SUPT20H: variants seen among roughly 807,000 people sequenced by gnomAD.
SUPT20H encodes the protein SPT20 homolog, SAGA complex component.
A neutral mutation model predicts 122.8 loss-of-function variants in SUPT20H; 82 were observed. That is an observed-to-expected ratio of 0.67 (90% CI 0.56 to 0.80). The LOEUF (loss-of-function observed/expected upper bound fraction) is 0.80, where lower values mean the gene tolerates loss of function less well. Ranked by LOEUF, SUPT20H falls within the 30% of genes least tolerant of loss-of-function variation. The pLI, the probability that SUPT20H is intolerant of heterozygous loss-of-function variation, is 0.00. For synonymous variants in SUPT20H, 291 were observed against 313.0 expected (o/e 0.93, Z 0.74); for missense variants, 831 against 921.6 (o/e 0.90, Z 1.27).
At chr13:37,058,000 TG>T (rs2069583068) in intron 1 of SUPT20H, among the ~76,000 whole-genome samples, 1 of 140,276 alleles carries the variant, frequency 7.1e-6, no homozygotes. Context: ...AAAAGTTGGC[TG>T]GGGCGGTGGC....
chr13:37,058,527 C>T (rs554710764), intron 1 of SUPT20H, among the ~76,000 whole-genome samples: 2 of 152,292 alleles, frequency 1.3e-5, no homozygotes, highest in South Asian at 4.1e-4. Context: ...GGCTTACTAA[C>T]TTTAAATTAT....
chr13:37,009,584 A>G lies in SUPT20H; in HGVS notation c.*88T>C. The G allele has an allele frequency of 6.8e-7, 1 of 1,462,402 alleles. No individual in the cohort carries two copies. Among genetic ancestry groups the G allele is most frequent in the Non-Finnish European group, 9.6e-7 (1 of 1,043,928 alleles). The allele number at this position is 1,462,402 out of a possible 1,614,324, so 90.6% of individuals were successfully genotyped here. On this transcript the variant is annotated 3_prime_UTR_variant, in exon 26 of 26. Transcript: ENST00000350612. Reference sequence around the variant, plus strand: ...ACATCTAGCAATGTAAAATACTGACACATTAAAAAAAACAAAAAGTAGAAA... The same window carrying G: ...ACATCTAGCAATGTAAAATACTGACGCATTAAAAAAAACAAAAAGTAGAAA...
At chr13:37,048,718 TC>T in intron 2 of SUPT20H, 119 bp from the exon 3 acceptor site, 1 of 740,228 alleles carries the variant, frequency 1.4e-6, no homozygotes, top group Non-Finnish European at 2.1e-6. Flanking sequence ...TTTATTTGTC[TC>T]CTCCACTCCA....
intron 13 of SUPT20H, among the ~76,000 whole-genome samples, chr13:37,029,341 C>T (rs1432452083): frequency 6.6e-6 from 1 of 152,060 alleles, no homozygotes; most frequent in Non-Finnish European, 1.5e-5. Flanking sequence ...CCAGCCTGGC[C>T]AACATGGCGA....
intron 22 of SUPT20H, 23 bp downstream of exon 22, chr13:37,019,319 C>T (rs1168086823): frequency 1.3e-6 from 2 of 1,560,838 alleles, no homozygotes; most frequent in African/African-American, 1.4e-5. Flanking sequence ...AAAATTTAAT[C>T]AAAAGCAGTA....
At chr13:37,049,868 C>T (rs981836434) in intron 2 of SUPT20H, among the ~76,000 whole-genome samples, 3 of 152,086 alleles carry the variant, frequency 2.0e-5, no homozygotes, top group Non-Finnish European at 4.4e-5. Context: ...TATTAAGAGG[C>T]ACAGAACTTT....
chr13:37,055,439 A>T (rs1300954985), intron 1 of SUPT20H, among the ~76,000 whole-genome samples: 1 of 152,220 alleles, frequency 6.6e-6, no homozygotes, highest in African/African-American at 2.4e-5. Flanking sequence ...ATGGAACAGA[A>T]CAGAGCCCTC....
intron 23 of SUPT20H, among the ~76,000 whole-genome samples, chr13:37,015,384 T>C (rs2060271094): frequency 6.7e-6 from 1 of 148,522 alleles, no homozygotes; most frequent in Admixed American, 6.7e-5. Context: ...ATGGCCAACA[T>C]GCATATGAAA....
intron 23 of SUPT20H, among the ~76,000 whole-genome samples, chr13:37,014,262 C>T (rs1440855843): frequency 1.9e-4 from 29 of 151,182 alleles, no homozygotes; most frequent in Admixed American, 1.9e-3. Flanking sequence ...GCTCAAAAAA[C>T]AACCTTTAGC....
chr13:37,017,455 C>T, intron 22 of SUPT20H, 91 bp from the exon 23 acceptor site: 1 of 1,276,192 alleles, frequency 7.8e-7, no homozygotes, highest in Non-Finnish European at 1.1e-6. Context: ...GGATCATTTG[C>T]TATGTGTCAC....
intron 7 of SUPT20H, among the ~76,000 whole-genome samples, chr13:37,043,600 G>A (rs1172692247): frequency 6.6e-6 from 1 of 152,090 alleles, no homozygotes; most frequent in Non-Finnish European, 1.5e-5. Context: ...TTAAATATCC[G>A]ACAATAAGCC....
At chr13:37,046,230 C>T (rs2066397714) in intron 5 of SUPT20H, among the ~76,000 whole-genome samples, 1 of 152,060 alleles carries the variant, frequency 6.6e-6, no homozygotes, top group Non-Finnish European at 1.5e-5. Context: ...TTTAAAAAGG[C>T]AAACAACTTT....
chr13:37,029,744 A>G, intron 13 of SUPT20H, 21 bp downstream of exon 13: 1 of 1,588,820 alleles, frequency 6.3e-7, no homozygotes, highest in Non-Finnish European at 8.6e-7. Context: ...TTAGAAACAG[A>G]GACAGGCAAT....
Position 37,040,460 on chromosome 13 carries a change from T to C in SUPT20H, c.514-2A>G. ...TGAATGTACATCACAAATTAAAGTC[T>C]AGAAGAAATAAAAATTTAAAAAACT... On this transcript the variant is annotated splice_acceptor_variant, in intron 8 of 25. Coordinates refer to ENST00000350612, the MANE Select transcript of SUPT20H (RefSeq NM_001014286.3). LOFTEE classifies it high-confidence loss of function. 1 of 1,580,134 alleles carries C rather than the reference T, an allele frequency of 6.3e-7. No homozygotes were observed. Among genetic ancestry groups the C allele is most frequent in the East Asian group, 2.2e-5 (1 of 44,468 alleles).
Position 37,009,495 on chromosome 13 carries a change from T to C in SUPT20H, c.*177A>G. 1.1e-6 allele frequency: 1 copy of C among 888,482 alleles called. No homozygotes were observed. The highest frequency in any genetic ancestry group is 1.7e-6 in the Non-Finnish European group (1 of 578,740). The allele number at this position is 888,482 out of a possible 1,614,324, so 55.0% of individuals were successfully genotyped here. A position where few individuals can be genotyped will look rare whatever the true frequency, so the allele number is the denominator to read the frequency against. ...ATGACTTAGGCAAACCAACCCTAGT[T>C]TGTTAAACCATTTCCCTGTTTTTAT... On this transcript the variant is annotated 3_prime_UTR_variant, in exon 26 of 26. Coordinates refer to ENST00000350612, the MANE Select transcript of SUPT20H (RefSeq NM_001014286.3).
intron 5 of SUPT20H, among the ~76,000 whole-genome samples, 200 bp from the exon 6 acceptor site, chr13:37,045,573 A>AC (rs1215101372): frequency 5.9e-5 from 9 of 152,194 alleles, no homozygotes; most frequent in African/African-American, 2.2e-4. Context: ...ATTTACTACT[A>AC]TGTTTTATGC....
rs370891913 is a variant in SUPT20H, at chr13:37,028,239, T to C, written c.1060A>G (p.Ile354Val). 3 of 1,613,562 alleles carry C rather than the reference T, an allele frequency of 1.9e-6. No homozygotes were observed. The highest frequency in any genetic ancestry group is 2.7e-5 in the African/African-American group (2 of 74,910). The change falls in exon 14 of 26, where the codon ATC (isoleucine) becomes GTC (valine). Residue 354 changes from isoleucine (I) to valine (V), a missense_variant. Physicochemically the swap from Ile to Val is conservative, Grantham distance 29 (BLOSUM62 3). Coordinates refer to ENST00000350612, the MANE Select transcript of SUPT20H (RefSeq NM_001014286.3). ...AGTGGATCTCCAAGCGACTGCAAGA[T>C]GGTCAGCTTTGTTTTCTGATACTGA... ...GTQYQKTKLTILQSLGDPLYY... is the reference protein window; with the variant it reads ...GTQYQKTKLTVLQSLGDPLYY...
chr13:37,048,860 T>A lies in SUPT20H; in HGVS notation c.4-261A>T, dbSNP rs141266016. Among the ~76,000 whole-genome samples, 20 of 152,218 alleles carry A rather than the reference T, an allele frequency of 1.3e-4. No homozygotes were observed. The East Asian group carries it at 3.7e-3, about 28-fold the overall frequency. On this transcript the variant is annotated intron_variant, in intron 2 of 25. Coordinates refer to ENST00000350612, the MANE Select transcript of SUPT20H (RefSeq NM_001014286.3). Reference sequence around the variant, plus strand: ...TTTGTGAGGCTAATATAGGGGAGGTTTGGATATGGCAGCTATCATCACTTC... The same window carrying A: ...TTTGTGAGGCTAATATAGGGGAGGTATGGATATGGCAGCTATCATCACTTC...
At position 37,026,167 on chromosome 13, in the gene SUPT20H, C is replaced by A. The variant is rs781524203; in HGVS notation, c.1211+37G>T. On this transcript the variant is annotated intron_variant, in intron 16 of 25. Transcript: ENST00000350612. ...TATAAGGGTGAAAAATTTTTCATAT[C>A]CATCCTGACCAAAATAAGAGATGCA... 1.9e-6 allele frequency: 3 copies of A among 1,553,912 alleles called. No individual in the cohort carries two copies. The Admixed American group carries it at 6.3e-5, about 32-fold the overall frequency.
Sources: allele counts gnomAD v4.1 joint callset (sites outside exome capture counted in the v4.1 genomes callset), GRCh38; gene constraint gnomAD v4.1.1; transcripts MANE v1.5; gene names NCBI Gene and HGNC (gene_info 2026-07-23, HGNC 2026-07-21).